The following MMAA variants were observed in gnomAD, a reference collection of about 807,000 sequenced individuals.
The protein encoded by MMAA is metabolism of cobalamin associated A, also known as methylmalonic aciduria type A protein, mitochondrial.
Under a neutral mutation model 45.0 loss-of-function variants are expected in MMAA, and 41 were observed. That is an observed-to-expected ratio of 0.91 (90% CI 0.71 to 1.18). The LOEUF (loss-of-function observed/expected upper bound fraction) is 1.18. Among genes scored for constraint, MMAA ranks in the 50% most tolerant of loss-of-function variants. The pLI is 0.00. For missense variants in MMAA, 460 were observed against 495.7 expected (o/e 0.93, Z 0.68); for synonymous variants, 154 against 178.2 (o/e 0.86, Z 1.08).
In MMAA at chr4:145,659,202, C is replaced by T. The variant is rs1251310011; in HGVS notation, c.*3768C>T. On this transcript the variant is annotated 3_prime_UTR_variant, in exon 7 of 7. Coordinates refer to ENST00000649156, the MANE Select transcript of MMAA (RefSeq NM_172250.3). ...TTTTAAAATTTACTAAATTTATGAACGTTTTTATCCCACTTGAGATGAATA... is the reference window on the plus strand; with the variant it reads ...TTTTAAAATTTACTAAATTTATGAATGTTTTTATCCCACTTGAGATGAATA... 1 of 151,988 alleles carries T rather than the reference C, an allele frequency of 6.6e-6. No individual in the cohort carries two copies. The highest frequency in any genetic ancestry group is 1.5e-5 in the Non-Finnish European group (1 of 67,988). The allele number at this position is 151,988 out of a possible 1,614,324, so 9.4% of individuals were successfully genotyped here.
rs533334741 is a variant in MMAA at position 145,655,171 on chromosome 4, G to A, written c.994G>A (p.Gly332Arg). The A allele has an allele frequency of 6.2e-7, 1 of 1,614,140 alleles. No homozygotes were observed. The highest frequency in any genetic ancestry group is 2.2e-5 in the East Asian group (1 of 44,884). Residue 332 changes from glycine (G) to arginine (R), a missense_variant, in exon 7 of 7, where the codon GGA becomes AGA. Transcript: ENST00000649156. ...PKVIRISARS[G>R]EGISEMWDKM... is the part of the protein sequence containing the mutation. ...GGTAATTCGTATTTCTGCCCGAAGT[G>A]GAGAGGGGATCTCTGAAATGTGGGA...
rs1578885783 is a variant in MMAA, at chr4:145,651,247, T to G, written c.819+100T>G. On this transcript the variant is annotated intron_variant, in intron 5 of 6. Transcript: ENST00000649156. The stretch of plus-strand genomic sequence containing the variant: ...TTTGTAAACTAAGTTGATAATGGTT[T>G]AGAAAATGAAATATCATTCATGTTG... 9.0e-6 allele frequency: 9 copies of G among 998,188 alleles called. No individual in the cohort carries two copies. The East Asian group carries it at 2.3e-4, about 26-fold the overall frequency. 61.8% of individuals were successfully genotyped at this position (998,188 alleles called of 1,614,324 possible). A position where few individuals can be genotyped will look rare whatever the true frequency, so the allele number is the denominator to read the frequency against.
intron 1 of MMAA, among the ~76,000 whole-genome samples, chr4:145,636,718 T>C (rs1251575287): frequency 6.6e-6 from 1 of 152,258 alleles, no homozygotes; most frequent in Non-Finnish European, 1.5e-5. Flanking sequence ...GTGACTTGAA[T>C]TCCCCAAGGA....
rs1727923382 is a variant in MMAA at position 145,646,135 on chromosome 4, A to G, written c.712A>G (p.Ile238Val). Reference protein sequence around the residue: ...ILLCEGAGYDIILIETVGVGQ... With the variant: ...ILLCEGAGYDVILIETVGVGQ... ...GTTGTGTGAAGGAGCGGGATATGACATAATTCTTATTGAAACCGTTGGTGA... is the reference window on the plus strand; with the variant it reads ...GTTGTGTGAAGGAGCGGGATATGACGTAATTCTTATTGAAACCGTTGGTGA... Residue 238 changes from isoleucine to valine, a missense_variant, in exon 4 of 7, where the codon ATA becomes GTA. By Grantham distance (29) the Ile-to-Val change is conservative. Coordinates refer to ENST00000649156, the MANE Select transcript of MMAA (RefSeq NM_172250.3). The G allele has an allele frequency of 1.2e-6, 2 of 1,613,986 alleles. No individual in the cohort carries two copies. Among genetic ancestry groups the G allele is most frequent in the South Asian group, 1.1e-5 (1 of 91,092 alleles).
chr4:145,621,210 T>G (rs776483070), intron 1 of MMAA, among the ~76,000 whole-genome samples: 3 of 152,224 alleles, frequency 2.0e-5, no homozygotes, highest in Non-Finnish European at 4.4e-5. Context: ...TGAAGGAACT[T>G]TGAGAATATG....
chr4:145,629,212 G>T (rs538790491), intron 1 of MMAA, among the ~76,000 whole-genome samples: 1 of 152,216 alleles, frequency 6.6e-6, no homozygotes, highest in East Asian at 1.9e-4. Context: ...CTCACTGCAA[G>T]CTCTGCCTCC....
chr4:145,651,830 C>T (rs1425939013), intron 5 of MMAA, among the ~76,000 whole-genome samples: 1 of 152,182 alleles, frequency 6.6e-6, no homozygotes, highest in East Asian at 1.9e-4. Flanking sequence ...ACTGTTCCAC[C>T]TCAGATCATC....
chr4:145,647,242 T>A (rs1727950875), intron 4 of MMAA, among the ~76,000 whole-genome samples: 1 of 152,110 alleles, frequency 6.6e-6, no homozygotes, highest in South Asian at 2.1e-4. Context: ...GAATTGCAGA[T>A]AATAGAGAAT....
At position 145,654,245 on chromosome 4, in the gene MMAA, A is replaced by T. The variant is rs1026370614; in HGVS notation, c.969+102A>T. 4 of 1,368,080 alleles carry T rather than the reference A, an allele frequency of 2.9e-6. No individual in the cohort carries two copies. In the Admixed American group the frequency reaches 5.1e-5, roughly 17 times the overall value. 84.7% of individuals were successfully genotyped at this position (1,368,080 alleles called of 1,614,324 possible). ...TAGACATATAATCAATCTTGCTTCT[A>T]TGTGAAGATGATAGTTTTAAAAATC... On this transcript the variant is annotated intron_variant, in intron 6 of 6. Coordinates refer to ENST00000649156, the MANE Select transcript of MMAA (RefSeq NM_172250.3).
At chr4:145,630,199 T>C (rs921846938) in intron 1 of MMAA, among the ~76,000 whole-genome samples, 4 of 152,264 alleles carry the variant, frequency 2.6e-5, no homozygotes, top group African/African-American at 9.6e-5. Context: ...TATATTCAGG[T>C]TTTGGATTTC....
At chr4:145,641,856 A>G (rs1340917694) in intron 2 of MMAA, among the ~76,000 whole-genome samples, 1 of 152,202 alleles carries the variant, frequency 6.6e-6, no homozygotes, top group East Asian at 1.9e-4. Context: ...TTCAGAATTC[A>G]GTTTATATTC....
intron 4 of MMAA, 119 bp from the exon 5 acceptor site, chr4:145,650,943 C>A: frequency 1.2e-6 from 1 of 860,136 alleles, no homozygotes; most frequent in Non-Finnish European, 2.0e-6. Flanking sequence ...AAGGAGTGAC[C>A]AGGTTGACTG....
At chr4:145,623,743 C>T (rs944653267) in intron 1 of MMAA, among the ~76,000 whole-genome samples, 15 of 152,148 alleles carry the variant, frequency 9.9e-5, no homozygotes, top group Middle Eastern at 3.2e-3. Flanking sequence ...GGCAATTAAA[C>T]GTTAGGGAAG....
chr4:145,625,137 C>T, intron 1 of MMAA: 1 of 1,233,154 alleles, frequency 8.1e-7, no homozygotes, highest in Non-Finnish European at 1.2e-6. Flanking sequence ...TCATCTCGAT[C>T]AGGAAGCTCT....
rs1461922267 is a variant in MMAA at position 145,656,659 on chromosome 4, T to A, written c.*1225T>A. 6.6e-6 allele frequency: 1 copy of A among 152,236 alleles called. No homozygotes were observed. Among genetic ancestry groups the A allele is most frequent in the African/African-American group, 2.4e-5 (1 of 41,468 alleles). 9.4% of individuals were successfully genotyped at this position (152,236 alleles called of 1,614,324 possible). The stretch of plus-strand genomic sequence containing the variant: ...TTAATTCTTTGAATATGTTTTATAC[T>A]TATTTGATGGTAGTTGTAACTGTGT... On this transcript the variant is annotated 3_prime_UTR_variant, in exon 7 of 7. Coordinates refer to ENST00000649156, the MANE Select transcript of MMAA (RefSeq NM_172250.3).
chr4:145,638,991 G>A, intron 1 of MMAA, 84 bp from the exon 2 acceptor site: 2 of 711,602 alleles, frequency 2.8e-6, no homozygotes, highest in Non-Finnish European at 4.8e-6. Flanking sequence ...TTAGAATATG[G>A]GGGAAACACT....
At chr4:145,626,769 A>G (rs575107660) in intron 1 of MMAA, among the ~76,000 whole-genome samples, 1 of 152,264 alleles carries the variant, frequency 6.6e-6, no homozygotes, top group East Asian at 1.9e-4. Context: ...TGTTGTGAGG[A>G]TTAGCTGAAA....
At position 145,639,980 on chromosome 4, in the gene MMAA, A is replaced by C. The variant is rs371254477; in HGVS notation, c.439+402A>C. The C allele has an allele frequency of 5.4e-5, 19 of 354,196 alleles. No individual in the cohort carries two copies. The East Asian group carries it at 1.6e-3, about 31-fold the overall frequency. 21.9% of individuals were successfully genotyped at this position (354,196 alleles called of 1,614,324 possible). On this transcript the variant is annotated intron_variant, in intron 2 of 6. Transcript: ENST00000649156. ...ATCACGTTTGAAAATTCTGCCTCTT[A>C]GGTATTTCATTAGTCTTTCTATAGG... is the stretch of plus-strand genomic sequence containing the variant.
intron 1 of MMAA, chr4:145,625,964 C>G (rs1734197446): frequency 4.5e-6 from 7 of 1,562,476 alleles, no homozygotes; most frequent in Non-Finnish European, 6.2e-6. Context: ...CCAAGTCCCT[C>G]CGTGCATCAC....
Sources: allele counts gnomAD v4.1 joint callset (sites outside exome capture counted in the v4.1 genomes callset), GRCh38; gene constraint gnomAD v4.1.1; transcripts MANE v1.5; gene names NCBI Gene and HGNC (gene_info 2026-07-23, HGNC 2026-07-21).